Variants in ZNF277 observed in about 807,000 individuals in gnomAD.
ZNF277 encodes the protein zinc finger protein 277.
A neutral mutation model predicts 60.7 loss-of-function variants in ZNF277; 55 were observed. That is an observed-to-expected ratio of 0.91 (90% CI 0.73 to 1.13). The LOEUF (loss-of-function observed/expected upper bound fraction) is 1.13. Ranked by LOEUF, ZNF277 falls within the 50% of genes most tolerant of loss-of-function variation. ZNF277 has a pLI of 0.00. For missense variants in ZNF277, 510 were observed against 523.0 expected (o/e 0.98, Z 0.24); for synonymous variants, 178 against 179.3 (o/e 0.99, Z 0.06).
At chr7:112,215,100 G>A (rs1055902312) in intron 1 of ZNF277, among the ~76,000 whole-genome samples, 4 of 152,152 alleles carry the variant, frequency 2.6e-5, no homozygotes, top group Admixed American at 6.5e-5. Context: ...AGGCAGTAGC[G>A]AGTACAAGCC....
At chr7:112,331,246 A>G (rs1793224382) in intron 7 of ZNF277, among the ~76,000 whole-genome samples, 1 of 152,136 alleles carries the variant, frequency 6.6e-6, no homozygotes, top group Admixed American at 6.6e-5. Context: ...ATAGACAACA[A>G]TGACTGGGGA....
intron 7 of ZNF277, among the ~76,000 whole-genome samples, chr7:112,332,504 G>A (rs986778442): frequency 6.6e-6 from 1 of 152,080 alleles, no homozygotes; most frequent in Non-Finnish European, 1.5e-5. Context: ...CCAAGTAATG[G>A]TGATGAGTTC....
intron 4 of ZNF277, among the ~76,000 whole-genome samples, chr7:112,304,045 T>G (rs532110074): frequency 1.8e-4 from 27 of 152,250 alleles, no homozygotes; most frequent in African/African-American, 6.5e-4. Flanking sequence ...GTATCTCTGT[T>G]TTTTATGTTT....
chr7:112,248,756 G>A (rs558657206), intron 1 of ZNF277, among the ~76,000 whole-genome samples: 128 of 151,966 alleles, frequency 8.4e-4, no homozygotes, highest in Non-Finnish European at 1.4e-3. Context: ...AGGCTTAATC[G>A]CATATATCTT....
At chr7:112,209,507 T>C (rs916031213) in intron 1 of ZNF277, among the ~76,000 whole-genome samples, 2 of 152,160 alleles carry the variant, frequency 1.3e-5, no homozygotes, top group African/African-American at 4.8e-5. Flanking sequence ...TGAGTAGTAG[T>C]GAATTTGCGG....
At chr7:112,317,115 C>T (rs955470615) in intron 4 of ZNF277, among the ~76,000 whole-genome samples, 3 of 151,918 alleles carry the variant, frequency 2.0e-5, no homozygotes, top group Non-Finnish European at 2.9e-5. Flanking sequence ...AACACATGGA[C>T]GCAGGGAGGG....
At chr7:112,338,072 T>C (rs573697821) in intron 9 of ZNF277, among the ~76,000 whole-genome samples, 37 of 152,314 alleles carry the variant, frequency 2.4e-4, no homozygotes, top group African/African-American at 8.9e-4. Context: ...TTTGAGATGC[T>C]TACAAGATCA....
At chr7:112,271,799 A>C (rs1326339492) in intron 1 of ZNF277, among the ~76,000 whole-genome samples, 2 of 151,610 alleles carry the variant, frequency 1.3e-5, no homozygotes, top group Non-Finnish European at 2.9e-5. Context: ...TTTTAATTTT[A>C]AGAAAGTTTT....
chr7:112,218,133 G>T (rs541651154), intron 1 of ZNF277, among the ~76,000 whole-genome samples: 7 of 152,160 alleles, frequency 4.6e-5, no homozygotes, highest in Admixed American at 3.9e-4. Context: ...CTCCATTTCA[G>T]TTCCCCTGTC....
intron 1 of ZNF277, among the ~76,000 whole-genome samples, chr7:112,271,908 C>G (rs528365734): frequency 9.2e-5 from 14 of 152,210 alleles, no homozygotes; most frequent in African/African-American, 3.1e-4. Flanking sequence ...ATGGAATATC[C>G]ATTACCTCAA....
At chr7:112,291,733 A>G (rs1245678362) in intron 2 of ZNF277, among the ~76,000 whole-genome samples, 1 of 152,208 alleles carries the variant, frequency 6.6e-6, no homozygotes, top group Non-Finnish European at 1.5e-5. Flanking sequence ...AAATGTATAT[A>G]TTGACACCTC....
At chr7:112,213,270 T>C (rs1344962343) in intron 1 of ZNF277, among the ~76,000 whole-genome samples, 1 of 152,206 alleles carries the variant, frequency 6.6e-6, no homozygotes, top group Non-Finnish European at 1.5e-5. Flanking sequence ...TCCCCAGCCA[T>C]GTGAAACTCT....
intron 4 of ZNF277, among the ~76,000 whole-genome samples, chr7:112,304,529 A>C (rs1013737695): frequency 1.3e-5 from 2 of 152,182 alleles, no homozygotes; most frequent in Admixed American, 1.3e-4. Context: ...CTGTACAAAT[A>C]ATTTATTCAT....
At chr7:112,238,089 A>G (rs1051915585) in intron 1 of ZNF277, among the ~76,000 whole-genome samples, 1 of 152,212 alleles carries the variant, frequency 6.6e-6, no homozygotes, top group African/African-American at 2.4e-5. Context: ...GCACCTTCAT[A>G]AGAACCAGAA....
intron 1 of ZNF277, among the ~76,000 whole-genome samples, chr7:112,229,236 A>C (rs1292782396): frequency 6.6e-6 from 1 of 152,194 alleles, no homozygotes; most frequent in African/African-American, 2.4e-5. Context: ...TGAAAGAAGT[A>C]ATTATGGTTG....
chr7:112,248,338 T>C (rs1040992911), intron 1 of ZNF277, among the ~76,000 whole-genome samples: 2 of 151,672 alleles, frequency 1.3e-5, no homozygotes, highest in Admixed American at 1.3e-4. Context: ...TTATATTTGG[T>C]TGGTTTTATT....
intron 1 of ZNF277, among the ~76,000 whole-genome samples, chr7:112,227,190 C>T (rs949403622): frequency 1.3e-5 from 2 of 152,116 alleles, no homozygotes; most frequent in Admixed American, 6.5e-5. Context: ...TTGATCCTTG[C>T]GTGAAATTAG....
At chr7:112,284,625 AGT>A (rs1792019553) in intron 1 of ZNF277, among the ~76,000 whole-genome samples, 2 of 152,222 alleles carry the variant, frequency 1.3e-5, no homozygotes, top group African/African-American at 4.8e-5. Context: ...TTTTGTTAAT[AGT>A]GCTTCTAAAG....
At chr7:112,300,811 G>T (rs1219138765) in intron 4 of ZNF277, among the ~76,000 whole-genome samples, 1 of 151,844 alleles carries the variant, frequency 6.6e-6, no homozygotes, top group Non-Finnish European at 1.5e-5. Flanking sequence ...CATTCTCCTG[G>T]TCACTCAGTT....
Sources: gnomAD v4.1 joint callset for allele counts (sites outside exome capture counted in the v4.1 genomes callset) on GRCh38, gnomAD v4.1.1 for gene constraint, MANE v1.5 for transcripts, NCBI Gene and HGNC (gene_info 2026-07-23, HGNC 2026-07-21) for gene names.